The following ASTN2 variants were observed in gnomAD, a reference collection of about 807,000 sequenced individuals.
ASTN2 encodes astrotactin 2, also known as astrotactin-2.
ASTN2 carries 54 observed loss-of-function variants against 139.8 expected under a neutral mutation model. That is an observed-to-expected ratio of 0.39 (90% CI 0.31 to 0.48). The LOEUF (loss-of-function observed/expected upper bound fraction) is 0.48, where lower values mean the gene tolerates loss of function less well. ASTN2 is among the 20% of genes least tolerant of loss of function. The pLI, the probability that ASTN2 is intolerant of heterozygous loss-of-function variation, is 0.95. For synonymous variants in ASTN2, 756 were observed against 719.5 expected (o/e 1.05, Z -0.81); for missense variants, 1,565 against 1,725.1 (o/e 0.91, Z 1.64).
intron 3 of ASTN2, among the ~76,000 whole-genome samples, chr9:117,162,173 G>A (rs1194095679): frequency 6.6e-6 from 1 of 152,010 alleles, no homozygotes; most frequent in Middle Eastern, 3.2e-3. Flanking sequence ...ATCCTATCAG[G>A]GGAAGAACAG....
rs189551757 is a variant in ASTN2 at position 117,352,373 on chromosome 9, T to C, written c.443-60860A>G. Among the ~76,000 whole-genome samples the C allele has an allele frequency of 5.3e-5, 8 of 152,340 alleles. No homozygotes were observed. The East Asian group carries it at 9.6e-4, about 18-fold the overall frequency. On this transcript the variant is annotated intron_variant, in intron 1 of 22. Coordinates refer to ENST00000313400, the MANE Select transcript of ASTN2 (RefSeq NM_001365068.1). ...CCCAAAACTTGTGACACTTGAGAGA[T>C]ATTATCTCCACCAACCTGGAACCTC...
At chr9:117,403,017 G>A (rs1357317657) in intron 1 of ASTN2, among the ~76,000 whole-genome samples, 1 of 152,184 alleles carries the variant, frequency 6.6e-6, no homozygotes, top group African/African-American at 2.4e-5. Flanking sequence ...AGAGCCTCGA[G>A]GGAGGAAAGG....
intron 13 of ASTN2, among the ~76,000 whole-genome samples, chr9:116,777,463 G>C (rs977911830): frequency 1.3e-5 from 2 of 152,112 alleles, no homozygotes; most frequent in Admixed American, 6.5e-5. Flanking sequence ...TTGTAACCCA[G>C]GTGTGTCTGA....
At chr9:117,166,704 C>T (rs954972182) in intron 3 of ASTN2, among the ~76,000 whole-genome samples, 2 of 152,130 alleles carry the variant, frequency 1.3e-5, no homozygotes, top group African/African-American at 4.8e-5. Flanking sequence ...TCCTGACCCT[C>T]TGCAGTAAGT....
At chr9:116,773,529 A>T (rs1536425) in intron 13 of ASTN2, among the ~76,000 whole-genome samples, 152,270 of 152,278 alleles carry the variant, frequency 1, 76,131 homozygotes, top group Non-Finnish European at 1. Context: ...AGAACCTCAC[A>T]CAAAGATGGG....
At chr9:116,681,144 T>C (rs900343840) in intron 16 of ASTN2, among the ~76,000 whole-genome samples, 3 of 152,220 alleles carry the variant, frequency 2.0e-5, no homozygotes, top group African/African-American at 7.2e-5. Context: ...CAGCCCAAAA[T>C]CTCCTTAAGC....
chr9:116,523,898 A>T (rs1850981917), intron 19 of ASTN2, among the ~76,000 whole-genome samples: 1 of 152,222 alleles, frequency 6.6e-6, no homozygotes, highest in Non-Finnish European at 1.5e-5. Context: ...GCAAAGGAAC[A>T]GAGCTGAGTT....
chr9:117,381,822 G>A lies in ASTN2; in HGVS notation c.442+32675C>T, dbSNP rs1340022427. On this transcript the variant is annotated intron_variant, in intron 1 of 22. Coordinates refer to ENST00000313400, the MANE Select transcript of ASTN2 (RefSeq NM_001365068.1). ...TTTAATAGGGTGAATTTTATGGTAT[G>A]TGAATTATATCTTAAGTAAAAAGTA... Among the ~76,000 whole-genome samples, 4 of 152,188 alleles carry A rather than the reference G, an allele frequency of 2.6e-5. No individual in the cohort carries two copies. The South Asian group carries it at 6.2e-4, about 24-fold the overall frequency.
intron 7 of ASTN2, among the ~76,000 whole-genome samples, chr9:116,980,242 G>A (rs960259979): frequency 2.0e-5 from 3 of 152,112 alleles, no homozygotes; most frequent in Non-Finnish European, 4.4e-5. Context: ...GATGTAAGAA[G>A]TAATTGAAAT....
chr9:116,820,217 A>G (rs949919869), intron 12 of ASTN2, among the ~76,000 whole-genome samples: 3 of 152,192 alleles, frequency 2.0e-5, no homozygotes, highest in Non-Finnish European at 1.5e-5. Context: ...GGCTGGACTT[A>G]GCCTGTGCTT....
At chr9:117,062,925 G>C (rs1379202232) in intron 5 of ASTN2, among the ~76,000 whole-genome samples, 4 of 152,164 alleles carry the variant, frequency 2.6e-5, no homozygotes, top group African/African-American at 9.6e-5. Context: ...CTTTTTAAGG[G>C]GCTAGCCTTG....
At chr9:116,975,376 C>A in intron 9 of ASTN2, 31 bp from the exon 10 acceptor site, 1 of 1,560,392 alleles carries the variant, frequency 6.4e-7, no homozygotes, top group Non-Finnish European at 8.7e-7. Context: ...TTGGGGAACT[C>A]CCTGGGAAGC....
intron 1 of ASTN2, among the ~76,000 whole-genome samples, chr9:117,316,273 T>A (rs1828141971): frequency 6.6e-6 from 1 of 152,174 alleles, no homozygotes; most frequent in Non-Finnish European, 1.5e-5. Context: ...CAGCTCCTGG[T>A]CTGTGCCTGG....
chr9:116,685,918 G>A (rs1311263078), intron 16 of ASTN2, among the ~76,000 whole-genome samples: 1 of 151,026 alleles, frequency 6.6e-6, no homozygotes, highest in African/African-American at 2.4e-5. Context: ...GTAAGACTAT[G>A]AACAGTCCTA....
At chr9:116,708,902 T>C (rs953758283) in intron 16 of ASTN2, among the ~76,000 whole-genome samples, 13 of 152,232 alleles carry the variant, frequency 8.5e-5, no homozygotes, top group Admixed American at 3.3e-4. Context: ...TGAGAGTCCT[T>C]TACTTAAAGG....
chr9:117,412,002 A>AC (rs1398639249), intron 1 of ASTN2, among the ~76,000 whole-genome samples: 8 of 14,486 alleles, frequency 5.5e-4, no homozygotes, highest in African/African-American at 1.7e-3. Context: ...CCCCCACCTC[A>AC]CCCCTCCCCC....
intron 3 of ASTN2, among the ~76,000 whole-genome samples, chr9:117,148,702 A>G (rs1048538466): frequency 2.6e-5 from 4 of 152,216 alleles, no homozygotes; most frequent in Admixed American, 2.6e-4. Context: ...ATTTGGCCAA[A>G]CATTATTCTA....
rs116995922 is a variant in ASTN2 at position 116,556,708 on chromosome 9, C to T, written c.3355+61616G>A. On this transcript the variant is annotated intron_variant, in intron 19 of 22. Coordinates refer to ENST00000313400, the MANE Select transcript of ASTN2 (RefSeq NM_001365068.1). ...TCTAAGACTTTAGTGACCCTAATGT[C>T]CCTAAGTTTAACCCCATAACTCTTT... 7.2e-3 allele frequency among the ~76,000 whole-genome samples: 1,097 copies of T among 152,230 alleles called. 4 individuals are homozygous for T. Among genetic ancestry groups the T allele is most frequent in the Non-Finnish European group, 0.012 (804 of 68,014 alleles).
At chr9:116,549,793 C>T (rs1852264217) in intron 19 of ASTN2, among the ~76,000 whole-genome samples, 1 of 152,160 alleles carries the variant, frequency 6.6e-6, no homozygotes, top group African/African-American at 2.4e-5. Flanking sequence ...AGATACCCTG[C>T]CTCACATGGC....
Sources: allele counts gnomAD v4.1 joint callset (sites outside exome capture counted in the v4.1 genomes callset), GRCh38; gene constraint gnomAD v4.1.1; transcripts MANE v1.5; gene names NCBI Gene and HGNC (gene_info 2026-07-23, HGNC 2026-07-21).